Variants in COG7 observed in about 807,000 individuals in gnomAD.
The protein encoded by COG7 is component of oligomeric golgi complex 7, also known as conserved oligomeric Golgi complex subunit 7.
COG7 carries 49 observed loss-of-function variants against 91.5 expected under a neutral mutation model. That is an observed-to-expected ratio of 0.54 (90% CI 0.43 to 0.68). The LOEUF (loss-of-function observed/expected upper bound fraction) is 0.68, where lower values mean the gene tolerates loss of function less well. COG7 is among the 30% of genes least tolerant of loss of function. The pLI is 0.00. For synonymous variants in COG7, 365 were observed against 388.7 expected (o/e 0.94, Z 0.72); for missense variants, 895 against 961.3 (o/e 0.93, Z 0.91).
chr16:23,418,934 T>G, intron 7 of COG7, 107 bp from the exon 8 acceptor site: 1 of 947,010 alleles, frequency 1.1e-6, no homozygotes, highest in Admixed American at 1.9e-5. Flanking sequence ...CCATTTGATC[T>G]CCAGAGGGGA....
intron 10 of COG7, among the ~76,000 whole-genome samples, chr16:23,411,658 G>C (rs999881941): frequency 2.0e-5 from 3 of 152,138 alleles, no homozygotes; most frequent in Non-Finnish European, 4.4e-5. Context: ...GTGAGGTGAG[G>C]TAATAATCTA....
intron 7 of COG7, among the ~76,000 whole-genome samples, chr16:23,422,038 GGTAGCTCACACCT>G (rs1193764851): frequency 1.3e-5 from 2 of 152,070 alleles, no homozygotes; most frequent in Non-Finnish European, 2.9e-5. Context: ...GGCCAGGTGT[GGTAGCTCACACCT>G]GTAATCCCAG....
intron 1 of COG7, among the ~76,000 whole-genome samples, chr16:23,452,347 T>C (rs1964277597): frequency 6.6e-6 from 1 of 152,232 alleles, no homozygotes; most frequent in Admixed American, 6.5e-5. Flanking sequence ...AAACCCATTA[T>C]GCCCAGGAAT....
At position 23,445,735 on chromosome 16, in the gene COG7, TA is replaced by T. The variant is rs1964170970; in HGVS notation, c.318+77del. On this transcript the variant is annotated intron_variant, in intron 2 of 16. Coordinates refer to ENST00000307149, the MANE Select transcript of COG7 (RefSeq NM_153603.4). ...GGCCTCCCAAAACACCGTGCTGTTC[TA>T]AAGCCCTTACGAGAGTGACCACCTT... is the stretch of plus-strand genomic sequence containing the variant. 6 of 1,447,194 alleles carry T rather than the reference TA, an allele frequency of 4.1e-6. No homozygotes were observed. The African/African-American group carries it at 5.6e-5, about 14-fold the overall frequency. The allele number at this position is 1,447,194 out of a possible 1,614,324, so 89.6% of individuals were successfully genotyped here. A position where few individuals can be genotyped will look rare whatever the true frequency, so the allele number is the denominator to read the frequency against.
chr16:23,404,377 G>A (rs560219440), intron 12 of COG7, among the ~76,000 whole-genome samples: 31 of 152,340 alleles, frequency 2.0e-4, no homozygotes, highest in Middle Eastern at 3.4e-3. Flanking sequence ...TATTATAAAT[G>A]AACTGATTAC....
intron 6 of COG7, among the ~76,000 whole-genome samples, chr16:23,426,911 T>C (rs1963858060): frequency 6.6e-6 from 1 of 152,050 alleles, no homozygotes; most frequent in South Asian, 2.1e-4. Flanking sequence ...GATGACATTA[T>C]TTTATGTGTA....
At chr16:23,421,740 T>C (rs1468512467) in intron 7 of COG7, among the ~76,000 whole-genome samples, 2 of 150,014 alleles carry the variant, frequency 1.3e-5, no homozygotes, top group Non-Finnish European at 3.0e-5. Flanking sequence ...GAACAAAATG[T>C]GTCAGGAGGC....
intron 4 of COG7, among the ~76,000 whole-genome samples, 172 bp from the exon 5 acceptor site, chr16:23,434,890 G>A (rs1171174863): frequency 6.6e-6 from 1 of 152,146 alleles, no homozygotes; most frequent in Non-Finnish European, 1.5e-5. Context: ...AGCATGACGT[G>A]AAAACCAGAT....
chr16:23,438,117 T>C (rs578035035), intron 4 of COG7, among the ~76,000 whole-genome samples: 1 of 148,950 alleles, frequency 6.7e-6, no homozygotes, highest in South Asian at 2.1e-4. Context: ...AACTTGGGCA[T>C]CAAAAGATTT....
intron 4 of COG7, 21 bp from the exon 5 acceptor site, chr16:23,434,739 A>G: frequency 6.5e-7 from 1 of 1,545,730 alleles, no homozygotes. Context: ...TACAATGTAT[A>G]TATACTGTTA....
chr16:23,436,250 G>C (rs573221889), intron 4 of COG7, among the ~76,000 whole-genome samples: 37 of 152,114 alleles, frequency 2.4e-4, no homozygotes, highest in Non-Finnish European at 1.2e-4. Flanking sequence ...AATTGGGTTT[G>C]ACCAGTGAGA....
rs555924623 is a variant in COG7 at position 23,420,689 on chromosome 16, G to A, written c.1010-1862C>T. On this transcript the variant is annotated intron_variant, in intron 7 of 16. Transcript: ENST00000307149. ...GGTAAAGTAATGTGGGTCTAACATGGTAATAATCAAATCTGCACATGTATA... is the reference window on the plus strand; with the variant it reads ...GGTAAAGTAATGTGGGTCTAACATGATAATAATCAAATCTGCACATGTATA... Among the ~76,000 whole-genome samples, 54 of 152,242 alleles carry A rather than the reference G, an allele frequency of 3.5e-4. No homozygotes were observed. In the South Asian group the frequency reaches 0.011, roughly 30 times the overall value.
At position 23,433,547 on chromosome 16, in the gene COG7, G is replaced by A. The variant is rs758872097; in HGVS notation, c.808C>T (p.Gln270Ter). 1.2e-6 allele frequency: 2 copies of A among 1,614,032 alleles called. No homozygotes were observed. Among genetic ancestry groups the A allele is most frequent in the South Asian group, 2.2e-5 (2 of 91,082 alleles). Reference sequence around the variant, plus strand: ...CTAGAACAAAAATGAGCTGTTACCTGTGTAGCCCACTGGATTTGTGTGTGC... The same window carrying A: ...CTAGAACAAAAATGAGCTGTTACCTATGTAGCCCACTGGATTTGTGTGTGC... ...AWHTQIQWAT[Q>*]VFQKPHEVVM... The change falls in exon 6 of 17, where the codon CAG becomes TAG. Residue 270 changes from glutamine (Q) to a stop codon, truncating the protein, a stop_gained and splice_region_variant. Transcript: ENST00000307149. LOFTEE classifies it high-confidence loss of function.
chr16:23,452,606 G>A, intron 1 of COG7: 1 of 646,080 alleles, frequency 1.5e-6, no homozygotes. Flanking sequence ...CCCAGCCAGA[G>A]GAGGAAAAAC....
intron 3 of COG7, 98 bp downstream of exon 3, chr16:23,444,947 ATGC>A: frequency 1.1e-6 from 1 of 888,222 alleles, no homozygotes. Flanking sequence ...AGGTTTCTGA[ATGC>A]TGCTATTGGC....
chr16:23,417,502 C>G (rs533227578), intron 8 of COG7, among the ~76,000 whole-genome samples: 1 of 152,206 alleles, frequency 6.6e-6, no homozygotes. Context: ...TGCAGTGGCT[C>G]AAGCCTGTAA....
intron 1 of COG7, among the ~76,000 whole-genome samples, chr16:23,448,679 CAT>C (rs1964219059): frequency 6.6e-6 from 1 of 152,160 alleles, no homozygotes; most frequent in Non-Finnish European, 1.5e-5. Context: ...CACTCCTGTG[CAT>C]ATGTTACTCT....
intron 7 of COG7, among the ~76,000 whole-genome samples, chr16:23,421,934 C>T (rs1158984135): frequency 2.0e-5 from 3 of 151,594 alleles, no homozygotes; most frequent in Non-Finnish European, 4.4e-5. Context: ...TTAAACTTAT[C>T]CTAAGGAATA....
At chr16:23,451,869 T>C (rs911269894) in intron 1 of COG7, among the ~76,000 whole-genome samples, 3 of 152,214 alleles carry the variant, frequency 2.0e-5, no homozygotes, top group Non-Finnish European at 4.4e-5. Flanking sequence ...TCCAGATATA[T>C]GGATCTGTTG....
Sources: gnomAD v4.1 joint callset for allele counts (sites outside exome capture counted in the v4.1 genomes callset) on GRCh38, gnomAD v4.1.1 for gene constraint, MANE v1.5 for transcripts, NCBI Gene and HGNC (gene_info 2026-07-23, HGNC 2026-07-21) for gene names.